EDARADD: variants seen among roughly 807,000 people sequenced by gnomAD.
EDARADD encodes the protein EDAR associated via death domain.
EDARADD carries 20 observed loss-of-function variants against 25.6 expected under a neutral mutation model. The observed-to-expected ratio is 0.78, with a 90% CI of 0.55 to 1.14. EDARADD has a LOEUF of 1.14. Ranked by LOEUF, EDARADD falls within the 50% of genes most tolerant of loss-of-function variation. The pLI, the probability that EDARADD is intolerant of heterozygous loss-of-function variation, is 0.00. For missense variants in EDARADD, 225 were observed against 270.1 expected, an observed-to-expected ratio of 0.83 and a Z score of 1.17; for synonymous variants, 86 against 94.4, an observed-to-expected ratio of 0.91 and a Z score of 0.52.
At chr1:236,384,102 A>G (rs1253218060) in intron 3 of EDARADD, among the ~76,000 whole-genome samples, 1 of 152,202 alleles carries the variant, frequency 6.6e-6, no homozygotes, top group East Asian at 1.9e-4. Context: ...ATTTACCCAT[A>G]CCCCATTGAT....
chr1:236,403,639 C>A (rs148086314), intron 1 of EDARADD, among the ~76,000 whole-genome samples: 27 of 152,238 alleles, frequency 1.8e-4, no homozygotes, highest in African/African-American at 5.1e-4. Context: ...GCTCTTTGAC[C>A]CATGTGGATA....
intron 3 of EDARADD, among the ~76,000 whole-genome samples, chr1:236,420,775 T>C (rs1024064107): frequency 2.6e-5 from 4 of 152,046 alleles, no homozygotes; most frequent in African/African-American, 9.6e-5. Context: ...GGAGTCTCGC[T>C]CTGTCACCTA....
chr1:236,445,388 C>T (rs1030238661), intron 4 of EDARADD, among the ~76,000 whole-genome samples: 8 of 151,960 alleles, frequency 5.3e-5, no homozygotes, highest in South Asian at 2.1e-4. Flanking sequence ...CCACCACGCC[C>T]GGCTGATTTT....
chr1:236,470,960 C>G (rs910454955), intron 5 of EDARADD, among the ~76,000 whole-genome samples: 1 of 152,180 alleles, frequency 6.6e-6, no homozygotes, highest in Non-Finnish European at 1.5e-5. Flanking sequence ...CCAGGCTGGT[C>G]TCAAACTCCT....
intron 1 of EDARADD, among the ~76,000 whole-genome samples, chr1:236,403,816 C>A (rs1667659603): frequency 6.6e-6 from 1 of 152,240 alleles, no homozygotes; most frequent in South Asian, 2.1e-4. Context: ...GCCAGGTGCC[C>A]TCGCCAGCCC....
At chr1:236,407,928 A>G (rs1038645307) in intron 1 of EDARADD, among the ~76,000 whole-genome samples, 2 of 152,246 alleles carry the variant, frequency 1.3e-5, no homozygotes, top group African/African-American at 4.8e-5. Context: ...TTTTGATAAA[A>G]AACTATGGTT....
chr1:236,428,590 A>G (rs1357556790), intron 4 of EDARADD, among the ~76,000 whole-genome samples: 2 of 130,264 alleles, frequency 1.5e-5, no homozygotes, highest in African/African-American at 5.2e-5. Flanking sequence ...GCTGCCGGGC[A>G]GAGGCGCTCC....
chr1:236,469,459 C>G, intron 5 of EDARADD, among the ~76,000 whole-genome samples: 1 of 151,924 alleles, frequency 6.6e-6, no homozygotes, highest in East Asian at 1.9e-4. Context: ...GGTGACAGAG[C>G]AAGACTCCAT....
intron 3 of EDARADD, among the ~76,000 whole-genome samples, chr1:236,362,889 G>T (rs1667065926): frequency 1.3e-5 from 2 of 148,716 alleles, no homozygotes; most frequent in African/African-American, 2.5e-5. Flanking sequence ...TTGTGGGCTG[G>T]TTGCAGTGGC....
intron 4 of EDARADD, among the ~76,000 whole-genome samples, chr1:236,429,981 C>G (rs1170017032): frequency 6.6e-6 from 1 of 152,170 alleles, no homozygotes; most frequent in Non-Finnish European, 1.5e-5. Flanking sequence ...CAAGTTTTGC[C>G]TAGTCTTGCT....
chr1:236,441,445 G>C (rs1272749922), intron 4 of EDARADD, among the ~76,000 whole-genome samples: 1 of 144,794 alleles, frequency 6.9e-6, no homozygotes, highest in Non-Finnish European at 1.5e-5. Context: ...TTCCAGGAAA[G>C]AAGTAAAAGA....
At chr1:236,457,808 G>C (rs999898344) in intron 4 of EDARADD, among the ~76,000 whole-genome samples, 26 of 138,534 alleles carry the variant, frequency 1.9e-4, no homozygotes, top group African/African-American at 6.9e-4. Context: ...GACAGAGCAA[G>C]ACTCTGTCCC....
At chr1:236,462,549 C>T (rs746536225) in intron 4 of EDARADD, among the ~76,000 whole-genome samples, 2 of 152,092 alleles carry the variant, frequency 1.3e-5, no homozygotes, top group Non-Finnish European at 2.9e-5. Context: ...GAGCTGAGAG[C>T]TTTTCCCAGG....
In EDARADD at chr1:236,458,641, CTTTTTTTT is replaced by C. The variant is rs5781887; in HGVS notation, c.220-9578_220-9571del. ...TGTGTTTTTGGTATTTTTTCTTTTTCTTTTTTTTTTTTTTTTTTTGAGACGGAGTTTCA... is the reference window on the plus strand; with the variant it reads ...TGTGTTTTTGGTATTTTTTCTTTTTCTTTTTTTTTTTGAGACGGAGTTTCA... On this transcript the variant is annotated intron_variant, in intron 4 of 5. Coordinates refer to ENST00000334232, the MANE Select transcript of EDARADD (RefSeq NM_145861.4). 3.5e-5 allele frequency among the ~76,000 whole-genome samples: 4 copies of C among 113,538 alleles called. 1 individual carries two copies. Among genetic ancestry groups the C allele is most frequent in the African/African-American group, 9.9e-5 (3 of 30,364 alleles). The allele number at this position is 113,538 out of a possible 152,430, so 74.5% of individuals were successfully genotyped here.
At chr1:236,438,801 C>T (rs1350641018) in intron 4 of EDARADD, among the ~76,000 whole-genome samples, 1 of 152,132 alleles carries the variant, frequency 6.6e-6, no homozygotes, top group African/African-American at 2.4e-5. Flanking sequence ...CATCCTGCAT[C>T]GTAACGGTGC....
chr1:236,473,575 C>T (rs1399686359), intron 5 of EDARADD, among the ~76,000 whole-genome samples: 1 of 152,054 alleles, frequency 6.6e-6, no homozygotes, highest in Non-Finnish European at 1.5e-5. Flanking sequence ...TCCAGGAGTT[C>T]GAGACCAGCC....
At chr1:236,473,962 T>C (rs921313759) in intron 5 of EDARADD, among the ~76,000 whole-genome samples, 2 of 152,104 alleles carry the variant, frequency 1.3e-5, no homozygotes, top group East Asian at 1.9e-4. Context: ...TTAAAGAACA[T>C]TGGCATAAGA....
intron 5 of EDARADD, among the ~76,000 whole-genome samples, chr1:236,481,618 A>G (rs1167787097): frequency 6.7e-6 from 1 of 149,420 alleles, no homozygotes; most frequent in Admixed American, 6.7e-5. Flanking sequence ...AAAAAAAGAA[A>G]GAAAGAAAAG....
chr1:236,372,985 G>A (rs58462875), intron 3 of EDARADD, among the ~76,000 whole-genome samples: 48,112 of 140,278 alleles, frequency 0.34, 9,601 homozygotes, highest in Non-Finnish European at 0.46. Flanking sequence ...GTGCGATCTC[G>A]GCTCACTGCA....
Sources: allele counts gnomAD v4.1 joint callset (sites outside exome capture counted in the v4.1 genomes callset), GRCh38; gene constraint gnomAD v4.1.1; transcripts MANE v1.5; gene names NCBI Gene and HGNC (gene_info 2026-07-23, HGNC 2026-07-21).